The following LRRC41 variants were observed in gnomAD, a reference collection of about 807,000 sequenced individuals.
The protein encoded by LRRC41 is leucine rich repeat containing 41.
A neutral mutation model predicts 72.1 loss-of-function variants in LRRC41; 17 were observed. That is an observed-to-expected ratio of 0.24 (90% confidence interval 0.16 to 0.35). The LOEUF is 0.35. Ranked by LOEUF, LRRC41 falls within the 10% of genes least tolerant of loss-of-function variation. The pLI, the probability that LRRC41 is intolerant of heterozygous loss-of-function variation, is 1.00. For synonymous variants in LRRC41, 427 were observed against 431.0 expected (o/e 0.99, Z 0.11); for missense variants, 759 against 1,065.0 (o/e 0.71, Z 4.00).
intron 5 of LRRC41, among the ~76,000 whole-genome samples, 164 bp from the exon 6 acceptor site, chr1:46,280,724 G>A (rs1660756356): frequency 6.6e-6 from 1 of 152,168 alleles, no homozygotes; most frequent in Admixed American, 6.5e-5. Context: ...TAGGAATTGA[G>A]CACTAAATAT....
intron 2 of LRRC41, 24 bp downstream of exon 2, chr1:46,298,260 A>G (rs1208927114): frequency 6.7e-7 from 1 of 1,483,006 alleles, no homozygotes; most frequent in East Asian, 2.3e-5. Flanking sequence ...TCATTGACTG[A>G]GAAAGAGACA....
rs1660664795 is a variant in LRRC41, at chr1:46,277,928, T to G, written c.*937A>C. The G allele has an allele frequency of 6.2e-7, 1 of 1,613,852 alleles. No homozygotes were observed. The highest frequency in any genetic ancestry group is 1.7e-5 in the Admixed American group (1 of 59,976). ...AGAGCGCCACTTCTCTCTGGGCGAGTTGAAGGAGCTGTTTATCCTGGATGA... is the reference window on the plus strand; with the variant it reads ...AGAGCGCCACTTCTCTCTGGGCGAGGTGAAGGAGCTGTTTATCCTGGATGA... On this transcript the variant is annotated 3_prime_UTR_variant, in exon 10 of 10. Coordinates refer to ENST00000617190, the MANE Select transcript of LRRC41 (RefSeq NM_006369.5).
At chr1:46,284,672 G>A (rs1455801336) in intron 4 of LRRC41, among the ~76,000 whole-genome samples, 1 of 152,130 alleles carries the variant, frequency 6.6e-6, no homozygotes, top group African/African-American at 2.4e-5. Flanking sequence ...AGAAACTCAT[G>A]TGTGATGGCT....
intron 3 of LRRC41, among the ~76,000 whole-genome samples, chr1:46,288,264 T>C (rs923994293): frequency 6.6e-6 from 1 of 152,118 alleles, no homozygotes; most frequent in African/African-American, 2.4e-5. Context: ...TTTAAGATGA[T>C]CCCTAAGTCA....
In LRRC41 at chr1:46,303,608, T is replaced by C; in HGVS notation, c.-286A>G. Reference sequence around the variant, plus strand: ...ACCTCTGCCTGCGGCTGGTAGTACATGCCAATCTGAGCATGTGTTCGCGAC... The same window carrying C: ...ACCTCTGCCTGCGGCTGGTAGTACACGCCAATCTGAGCATGTGTTCGCGAC... On this transcript the variant is annotated 5_prime_UTR_variant, in exon 1 of 10. It removes an upstream start codon present in the reference 5' UTR. Coordinates refer to ENST00000617190, the MANE Select transcript of LRRC41 (RefSeq NM_006369.5). The C allele has an allele frequency of 8.9e-7, 1 of 1,129,074 alleles. No homozygotes were observed. The highest frequency in any genetic ancestry group is 1.3e-6 in the Non-Finnish European group (1 of 788,844). The allele number at this position is 1,129,074 out of a possible 1,614,324, so 69.9% of individuals were successfully genotyped here.
rs932708043 is a variant in LRRC41 at position 46,282,001 on chromosome 1, C to G, written c.1496-616G>C. ...GGCTGAGGCAGGAGAATCACTTGAA[C>G]CCAGGAGACGGAGGTTGCAGTGAGC... On this transcript the variant is annotated intron_variant, in intron 4 of 9. Coordinates refer to ENST00000617190, the MANE Select transcript of LRRC41 (RefSeq NM_006369.5). Among the ~76,000 whole-genome samples the G allele has an allele frequency of 3.8e-4, 57 of 151,948 alleles. 1 individual carries two copies. The highest frequency in any genetic ancestry group is 5.9e-5 in the Non-Finnish European group (4 of 67,994).
chr1:46,296,373 C>T (rs1273086313), intron 3 of LRRC41, among the ~76,000 whole-genome samples: 7 of 152,152 alleles, frequency 4.6e-5, no homozygotes, highest in South Asian at 2.1e-4. Context: ...GCCAAGATTG[C>T]GCCATTGCAC....
chr1:46,301,831 C>A (rs934274839), intron 1 of LRRC41: 1 of 449,836 alleles, frequency 2.2e-6, no homozygotes, highest in African/African-American at 2.1e-5. Context: ...TCTCCTGCCC[C>A]CCTCCCCAGC....
chr1:46,280,346 G>A, intron 6 of LRRC41, 50 bp downstream of exon 6: 5 of 1,612,134 alleles, frequency 3.1e-6, no homozygotes, highest in Middle Eastern at 1.7e-4. Context: ...AGAGAACAGT[G>A]CTAGGTCCCC....
chr1:46,290,236 T>C (rs1660978894), intron 3 of LRRC41, among the ~76,000 whole-genome samples: 2 of 152,090 alleles, frequency 1.3e-5, no homozygotes, highest in South Asian at 4.1e-4. Flanking sequence ...GACAAAACCC[T>C]ATCTCTACTA....
In LRRC41 at chr1:46,303,199, C is replaced by G; in HGVS notation, c.124G>C (p.Ala42Pro). Residue 42 changes from alanine to proline, a missense_variant, in exon 1 of 10, where the codon GCT (alanine) becomes CCT (proline). Coordinates refer to ENST00000617190, the MANE Select transcript of LRRC41 (RefSeq NM_006369.5). ...PAKSSASGPN[A>P]PPALFELCGR... ...CACAGCTCGAACAGGGCGGGGGGAG[C>G]GTTGGGGCCCGAGGCCGAGCTCTTC... 2.5e-6 allele frequency: 4 copies of G among 1,569,812 alleles called. No homozygotes were observed. Among genetic ancestry groups the G allele is most frequent in the Non-Finnish European group, 3.4e-6 (4 of 1,162,430 alleles).
intron 1 of LRRC41, chr1:46,298,592 T>G (rs1661169494): frequency 2.3e-6 from 1 of 435,546 alleles, no homozygotes; most frequent in Admixed American, 4.1e-5. Flanking sequence ...GGTGAGATCA[T>G]CCCACAAAAC....
intron 3 of LRRC41, among the ~76,000 whole-genome samples, chr1:46,290,987 C>G (rs556581577): frequency 6.9e-6 from 1 of 144,496 alleles, no homozygotes; most frequent in African/African-American, 2.6e-5. Flanking sequence ...TACAGTGGCA[C>G]GATCTCGGCT....
At position 46,279,629 on chromosome 1, in the gene LRRC41, T is replaced by C; in HGVS notation, c.2021-15A>G. ...GAAGGTAATCTCTGTCAAGAAAAATTATAGTAAATTCTGATGGCTGCATTA... is the reference window on the plus strand; with the variant it reads ...GAAGGTAATCTCTGTCAAGAAAAATCATAGTAAATTCTGATGGCTGCATTA... On this transcript the variant is annotated splice_polypyrimidine_tract_variant and intron_variant, in intron 7 of 9. Transcript: ENST00000617190. The surrounding 1 kb of genome is among the most constrained non-coding windows in gnomAD (Gnocchi z 4.5). 1 of 1,614,096 alleles carries C rather than the reference T, an allele frequency of 6.2e-7. No individual in the cohort carries two copies. The highest frequency in any genetic ancestry group is 8.5e-7 in the Non-Finnish European group (1 of 1,180,002).
chr1:46,286,084 G>A lies in LRRC41; in HGVS notation c.773C>T (p.Pro258Leu). The A allele has an allele frequency of 6.2e-7, 1 of 1,611,466 alleles. No homozygotes were observed. Residue 258 changes from proline (P) to leucine (L), a missense_variant, in exon 4 of 10, where the codon CCT becomes CTT. This residue lies in a region of LRRC41 where 427 missense variants were observed against 520.9 expected (regional missense o/e 0.82). Transcript: ENST00000617190. This position sits in a 1 kb window ranked among gnomAD's most constrained non-coding sequence, Gnocchi z 5.5. ...ACAGAGGCGGCAGGGTGGGCCACCAGGCCCTGGTTGCCAGAAGCCAGCACT... is the reference window on the plus strand; with the variant it reads ...ACAGAGGCGGCAGGGTGGGCCACCAAGCCCTGGTTGCCAGAAGCCAGCACT... ...TMSAGFWQPG[P>L]GGPPCRLCGE...
In LRRC41 at chr1:46,302,784, C is replaced by T. The variant is rs1569673055; in HGVS notation, c.199+340G>A. The T allele has an allele frequency of 1.0e-6, 1 of 985,236 alleles. No individual in the cohort carries two copies. Among genetic ancestry groups the T allele is most frequent in the African/African-American group, 1.7e-5 (1 of 57,224 alleles). The allele number at this position is 985,236 out of a possible 1,614,324, so 61.0% of individuals were successfully genotyped here. A position where few individuals can be genotyped will look rare whatever the true frequency, so the allele number is the denominator to read the frequency against. On this transcript the variant is annotated intron_variant, in intron 1 of 9. Coordinates refer to ENST00000617190, the MANE Select transcript of LRRC41 (RefSeq NM_006369.5). The surrounding 1 kb of genome is among the most constrained non-coding windows in gnomAD (Gnocchi z 4.7). ...CCACCGGTTCGACATCCGAGACTCT[C>T]CTGCCCGGCCCAGCCGAGTGTCAGT...
rs1661270354 is a variant in LRRC41, at chr1:46,302,776, G to C, written c.199+348C>G. ...ATCGCTGCCCACCGGTTCGACATCC[G>C]AGACTCTCCTGCCCGGCCCAGCCGA... On this transcript the variant is annotated intron_variant, in intron 1 of 9. Coordinates refer to ENST00000617190, the MANE Select transcript of LRRC41 (RefSeq NM_006369.5). This position sits in a 1 kb window ranked among gnomAD's most constrained non-coding sequence, Gnocchi z 4.7. 1.0e-6 allele frequency: 1 copy of C among 985,144 alleles called. No individual in the cohort carries two copies. The highest frequency in any genetic ancestry group is 1.7e-5 in the African/African-American group (1 of 57,202). 61.0% of individuals were successfully genotyped at this position (985,144 alleles called of 1,614,324 possible). A position where few individuals can be genotyped will look rare whatever the true frequency, so the allele number is the denominator to read the frequency against.
At position 46,286,293 on chromosome 1, in the gene LRRC41, C is replaced by T. The variant is rs1660883152; in HGVS notation, c.564G>A (p.Leu188=). The T allele has an allele frequency of 1.2e-6, 2 of 1,614,098 alleles. No homozygotes were observed. The highest frequency in any genetic ancestry group is 1.7e-6 in the Non-Finnish European group (2 of 1,180,050). The change falls in exon 4 of 10, where the codon CTG becomes CTA. Residue 188 remains leucine (L), a synonymous_variant. Transcript: ENST00000617190. This position sits in a 1 kb window ranked among gnomAD's most constrained non-coding sequence, Gnocchi z 5.5. ...TGTGCAGGGAGCTGGCCAGGGTCTCCAGAACCCTGCGGTTGGGCTCAGCCA... is the reference window on the plus strand; with the variant it reads ...TGTGCAGGGAGCTGGCCAGGGTCTCTAGAACCCTGCGGTTGGGCTCAGCCA... ...ELVAEPNRRV[L]ETLASSLHTL...
rs1010189569 is a variant in LRRC41 at position 46,303,004 on chromosome 1, G to A, written c.199+120C>T. Reference sequence around the variant, plus strand: ...AATTCATTCTCCGATCCTACGAGCTGGCTTTCAGCGCCCCAGGCTGGGCCT... The same window carrying A: ...AATTCATTCTCCGATCCTACGAGCTAGCTTTCAGCGCCCCAGGCTGGGCCT... On this transcript the variant is annotated intron_variant, in intron 1 of 9. Coordinates refer to ENST00000617190, the MANE Select transcript of LRRC41 (RefSeq NM_006369.5). 7 of 1,313,172 alleles carry A rather than the reference G, an allele frequency of 5.3e-6. No homozygotes were observed. In the African/African-American group the frequency reaches 9.3e-5, roughly 18 times the overall value. 81.3% of individuals were successfully genotyped at this position (1,313,172 alleles called of 1,614,324 possible).
Sources: allele counts gnomAD v4.1 joint callset (sites outside exome capture counted in the v4.1 genomes callset), GRCh38; gene constraint gnomAD v4.1.1; regional missense constraint gnomAD v4.1.1; non-coding constraint Gnocchi (gnomAD v3.1); transcripts MANE v1.5; gene names NCBI Gene and HGNC (gene_info 2026-07-23, HGNC 2026-07-21).